The following ATRNL1 variants were observed in gnomAD, a reference collection of about 807,000 sequenced individuals.
ATRNL1 encodes attractin-like protein 1.
A neutral mutation model predicts 182.7 loss-of-function variants in ATRNL1; 95 were observed. The observed-to-expected ratio is 0.52, with a 90% confidence interval of 0.44 to 0.62. ATRNL1 has a LOEUF of 0.62. ATRNL1 is among the 20% of genes least tolerant of loss of function. ATRNL1 has a pLI of 0.00. For missense variants in ATRNL1, 1,471 were observed against 1,679.5 expected (o/e 0.88, Z 2.17); for synonymous variants, 576 against 568.3 (o/e 1.01, Z -0.19).
rs148278288 is a variant in ATRNL1 at position 115,107,874 on chromosome 10, A to C, written c.294-12311A>C. 9.8e-5 allele frequency among the ~76,000 whole-genome samples: 15 copies of C among 152,322 alleles called. No individual in the cohort carries two copies. The East Asian group carries it at 2.9e-3, about 29-fold the overall frequency. On this transcript the variant is annotated intron_variant, in intron 1 of 28. Coordinates refer to ENST00000355044, the MANE Select transcript of ATRNL1 (RefSeq NM_207303.4). Reference sequence around the variant, plus strand: ...GAAGCTGTGCCAGAATGCAGGGAGCAGATACTTGAGGCAGCACAGGGCAGT... The same window carrying C: ...GAAGCTGTGCCAGAATGCAGGGAGCCGATACTTGAGGCAGCACAGGGCAGT...
chr10:115,483,380 ATGT>A (rs1592720746), intron 24 of ATRNL1, among the ~76,000 whole-genome samples: 2 of 151,472 alleles, frequency 1.3e-5, no homozygotes, highest in African/African-American at 4.8e-5. Flanking sequence ...AATTATAATG[ATGT>A]TGTCTAATAA....
chr10:115,164,720 C>A (rs1592196556), intron 6 of ATRNL1, among the ~76,000 whole-genome samples: 1 of 151,950 alleles, frequency 6.6e-6, no homozygotes, highest in East Asian at 1.9e-4. Flanking sequence ...ATAAACCAGG[C>A]ACAGAGAGAC....
chr10:115,882,283 G>T (rs1173546615), intron 28 of ATRNL1, among the ~76,000 whole-genome samples: 4 of 152,178 alleles, frequency 2.6e-5, no homozygotes, highest in Non-Finnish European at 4.4e-5. Context: ...CTAGTTAGGG[G>T]TGTGGCGGGC....
At chr10:115,585,303 T>C (rs1472689740) in intron 26 of ATRNL1, among the ~76,000 whole-genome samples, 30 of 94,290 alleles carry the variant, frequency 3.2e-4, no homozygotes, top group African/African-American at 1.0e-3. Flanking sequence ...CTGGGTATCC[T>C]TGTTGACTTT....
At position 115,131,894 on chromosome 10, in the gene ATRNL1, A is replaced by C. The variant is rs1425427522; in HGVS notation, c.829+2359A>C. Among the ~76,000 whole-genome samples, 3 of 152,178 alleles carry C rather than the reference A, an allele frequency of 2.0e-5. No homozygotes were observed. In the East Asian group the frequency reaches 5.8e-4, roughly 29 times the overall value. The stretch of plus-strand genomic sequence containing the variant: ...GTTTTATTAAGATAACACAGAGGAA[A>C]AACCTAGCTTTATATTAAGTCCTTT... On this transcript the variant is annotated intron_variant, in intron 5 of 28. Transcript: ENST00000355044.
rs980196664 is a variant in ATRNL1 at position 115,157,325 on chromosome 10, T to A, written c.830-2715T>A. Among the ~76,000 whole-genome samples the A allele has an allele frequency of 5.2e-5, 5 of 96,494 alleles. No homozygotes were observed. The South Asian group carries it at 1.2e-3, about 23-fold the overall frequency. The allele number at this position is 96,494 out of a possible 152,430, so 63.3% of individuals were successfully genotyped here. The stretch of plus-strand genomic sequence containing the variant: ...GGGTGGGGAAGTCTTTTTGTCGTTG[T>A]TTGTGTTTTAAATTAATATTCAGTT... On this transcript the variant is annotated intron_variant, in intron 5 of 28. Coordinates refer to ENST00000355044, the MANE Select transcript of ATRNL1 (RefSeq NM_207303.4).
chr10:115,474,919 T>G (rs1554972802), intron 24 of ATRNL1, among the ~76,000 whole-genome samples: 2 of 151,354 alleles, frequency 1.3e-5, no homozygotes, highest in African/African-American at 4.8e-5. Context: ...ATTTTAGCCC[T>G]GTCGCCACTG....
intron 28 of ATRNL1, among the ~76,000 whole-genome samples, chr10:115,935,806 T>C (rs1158659751): frequency 6.6e-6 from 1 of 152,248 alleles, no homozygotes; most frequent in Non-Finnish European, 1.5e-5. Flanking sequence ...AATATTAGTA[T>C]AAACAATGCT....
chr10:115,692,458 C>T (rs1946424018), intron 26 of ATRNL1, among the ~76,000 whole-genome samples: 1 of 152,068 alleles, frequency 6.6e-6, no homozygotes, highest in South Asian at 2.1e-4. Context: ...GTTCTAGGTA[C>T]ATTACAGGTG....
At chr10:115,437,058 T>C (rs1213627902) in intron 21 of ATRNL1, among the ~76,000 whole-genome samples, 1 of 151,966 alleles carries the variant, frequency 6.6e-6, no homozygotes, top group Non-Finnish European at 1.5e-5. Context: ...AGGGAATGAT[T>C]GAGCTTTGAT....
At chr10:115,467,632 A>G (rs149295464) in intron 23 of ATRNL1, among the ~76,000 whole-genome samples, 1 of 150,858 alleles carries the variant, frequency 6.6e-6, no homozygotes, top group East Asian at 1.9e-4. Context: ...ATATAAAACA[A>G]TGAAATTCTT....
chr10:115,868,205 G>C (rs1951484071), intron 28 of ATRNL1, among the ~76,000 whole-genome samples: 1 of 152,182 alleles, frequency 6.6e-6, no homozygotes, highest in Non-Finnish European at 1.5e-5. Flanking sequence ...GACTCTGGGA[G>C]TTACAACTTA....
chr10:115,445,539 G>A (rs1846933089), intron 21 of ATRNL1, among the ~76,000 whole-genome samples: 1 of 147,948 alleles, frequency 6.8e-6, no homozygotes, highest in Non-Finnish European at 1.5e-5. Flanking sequence ...GTGTGTGTGT[G>A]TGTGTGTGTG....
intron 24 of ATRNL1, among the ~76,000 whole-genome samples, chr10:115,479,304 C>T (rs994563606): frequency 4.6e-5 from 7 of 151,396 alleles, no homozygotes; most frequent in East Asian, 3.9e-4. Context: ...TTCTAGAAAT[C>T]GAGAAATGTT....
chr10:115,537,573 C>A (rs1554990887), intron 25 of ATRNL1, among the ~76,000 whole-genome samples: 1 of 152,108 alleles, frequency 6.6e-6, no homozygotes, highest in Non-Finnish European at 1.5e-5. Context: ...TGTTTAAAAT[C>A]TTCCTTTTAC....
At chr10:115,568,277 A>C (rs1302891264) in intron 26 of ATRNL1, among the ~76,000 whole-genome samples, 2 of 152,104 alleles carry the variant, frequency 1.3e-5, no homozygotes, top group African/African-American at 4.8e-5. Flanking sequence ...CAAGATACAG[A>C]ATAAATTATA....
intron 21 of ATRNL1, among the ~76,000 whole-genome samples, chr10:115,429,029 T>C (rs1388076743): frequency 1.3e-5 from 2 of 152,146 alleles, no homozygotes; most frequent in South Asian, 2.1e-4. Context: ...TCTTTGATCA[T>C]AGACATTCTA....
intron 21 of ATRNL1, among the ~76,000 whole-genome samples, chr10:115,441,571 A>G (rs1296408055): frequency 1.3e-5 from 2 of 151,812 alleles, no homozygotes; most frequent in African/African-American, 4.8e-5. Context: ...TTTAAGAAGC[A>G]TCTAAATTTT....
In ATRNL1 at chr10:115,340,466, CTTTTCTTTTCTTTTT is replaced by C. The variant is rs1373213660; in HGVS notation, c.3175+6052_3175+6066del. Among the ~76,000 whole-genome samples the C allele has an allele frequency of 4.1e-5, 4 of 97,716 alleles. No homozygotes were observed. The East Asian group carries it at 8.4e-4, about 21-fold the overall frequency. 64.1% of individuals were successfully genotyped at this position (97,716 alleles called of 152,430 possible). A position where few individuals can be genotyped will look rare whatever the true frequency, so the allele number is the denominator to read the frequency against. ...AGTTTTCTTTCTTTTTTTTTCTTTT[CTTTTCTTTTCTTTTT>C]TTTTTTTTTTGGTGTGTGTGTCTTT... On this transcript the variant is annotated intron_variant, in intron 19 of 28. Transcript: ENST00000355044.
Sources: gnomAD v4.1 joint callset for allele counts (sites outside exome capture counted in the v4.1 genomes callset) on GRCh38, gnomAD v4.1.1 for gene constraint, MANE v1.5 for transcripts, NCBI Gene and HGNC (gene_info 2026-07-23, HGNC 2026-07-21) for gene names.